PLB1: variants seen among roughly 807,000 people sequenced by gnomAD.
The protein encoded by PLB1 is phospholipase B1, also known as phospholipase B1, membrane-associated.
A neutral mutation model predicts 227.4 loss-of-function variants in PLB1; 242 were observed. The observed-to-expected ratio is 1.06, with a 90% CI of 0.96 to 1.18. The LOEUF is 1.18. PLB1 is among the 50% of genes most tolerant of loss of function. The pLI is 0.00. For missense variants in PLB1, 1,858 were observed against 1,816.3 expected, an observed-to-expected ratio of 1.02 and a Z score of -0.42; for synonymous variants, 757 against 682.2, an observed-to-expected ratio of 1.11 and a Z score of -1.71.
At chr2:28,500,687 G>A (rs941281324) in intron 1 of PLB1, among the ~76,000 whole-genome samples, 2 of 152,016 alleles carry the variant, frequency 1.3e-5, no homozygotes, top group Non-Finnish European at 2.9e-5. Flanking sequence ...TAAGCAGGGA[G>A]GATAGCTTGA....
rs531769306 is a variant in PLB1 at position 28,543,359 on chromosome 2, G to T, written c.936+91G>T. On this transcript the variant is annotated intron_variant, in intron 14 of 57. Transcript: ENST00000327757. ...CACCGTGCTGAGGAGGGGCTGCAGG[G>T]CGCCCCAGGATCCCAGGACAATGGT... The T allele has an allele frequency of 3.9e-5, 53 of 1,366,678 alleles. 1 individual carries two copies. The Middle Eastern group carries it at 2.2e-3, about 57-fold the overall frequency. 84.7% of individuals were successfully genotyped at this position (1,366,678 alleles called of 1,614,324 possible).
intron 35 of PLB1, among the ~76,000 whole-genome samples, chr2:28,598,965 T>C (rs7573949): frequency 0.96 from 146,239 of 152,328 alleles, 70,243 homozygotes; most frequent in Middle Eastern, 1. Context: ...GATGCCCCTA[T>C]AGGTTCAACT....
Position 28,508,799 on chromosome 2 carries a change from G to A in PLB1, c.56-8009G>A, listed in dbSNP as rs542590583. Among the ~76,000 whole-genome samples, 71 of 152,250 alleles carry A rather than the reference G, an allele frequency of 4.7e-4. 1 individual carries two copies. The South Asian group carries it at 0.014, about 31-fold the overall frequency. On this transcript the variant is annotated intron_variant, in intron 1 of 57. Coordinates refer to ENST00000327757, the MANE Select transcript of PLB1 (RefSeq NM_153021.5). ...CTGAGCCTGTAAAAATGCCAAAAGGGTCATAAACCCTGCCCCTAAGGTCAC... is the reference window on the plus strand; with the variant it reads ...CTGAGCCTGTAAAAATGCCAAAAGGATCATAAACCCTGCCCCTAAGGTCAC...
At chr2:28,613,206 T>G (rs1685732260) in intron 43 of PLB1, among the ~76,000 whole-genome samples, 1 of 152,234 alleles carries the variant, frequency 6.6e-6, no homozygotes, top group Non-Finnish European at 1.5e-5. Flanking sequence ...AATACAGGCA[T>G]GGGCCACTGT....
At chr2:28,581,013 G>A (rs1202999680) in intron 23 of PLB1, among the ~76,000 whole-genome samples, 1 of 152,014 alleles carries the variant, frequency 6.6e-6, no homozygotes, top group Non-Finnish European at 1.5e-5. Flanking sequence ...GGGGAGCCTT[G>A]GGGCTGCTGG....
chr2:28,541,904 G>A (rs1672549390), intron 13 of PLB1, 93 bp downstream of exon 13: 3 of 1,004,642 alleles, frequency 3.0e-6, no homozygotes, highest in Non-Finnish European at 4.6e-6. Context: ...AGGCCGAGGT[G>A]GGTGGATTAC....
At chr2:28,539,466 G>C (rs963962127) in intron 11 of PLB1, among the ~76,000 whole-genome samples, 26 of 152,216 alleles carry the variant, frequency 1.7e-4, no homozygotes, top group Non-Finnish European at 5.9e-5. Context: ...AGTGATTTCA[G>C]AGTTCGCCTT....
intron 6 of PLB1, among the ~76,000 whole-genome samples, chr2:28,528,933 G>A (rs1670633702): frequency 1.3e-5 from 2 of 150,012 alleles, no homozygotes; most frequent in East Asian, 2.0e-4. Context: ...TAGAGGAAGG[G>A]AGTCAGTCTT....
chr2:28,617,019 G>T (rs1686290984), intron 44 of PLB1, among the ~76,000 whole-genome samples: 1 of 151,992 alleles, frequency 6.6e-6, no homozygotes, highest in African/African-American at 2.4e-5. Context: ...CCAGATTTCT[G>T]GTACTAATCA....
chr2:28,589,856 GTGCAGGCCATGTGATTCTA>G (rs1321169700), intron 28 of PLB1, 86 bp downstream of exon 28: 20 of 1,416,020 alleles, frequency 1.4e-5, no homozygotes, highest in Non-Finnish European at 1.9e-5. Context: ...GAGGCCCATC[GTGCAGGCCATGTGATTCTA>G]TGCACGGCAA....
intron 39 of PLB1, among the ~76,000 whole-genome samples, chr2:28,603,707 C>T (rs1187449747): frequency 6.6e-6 from 1 of 152,238 alleles, no homozygotes; most frequent in African/African-American, 2.4e-5. Context: ...GGCCCAGCAC[C>T]TGCAGTCCAA....
chr2:28,582,191 GC>G (rs949691455), intron 24 of PLB1, 58 bp downstream of exon 24: 22 of 1,559,708 alleles, frequency 1.4e-5, no homozygotes, highest in Non-Finnish European at 1.9e-5. Flanking sequence ...CCTAGAGGAA[GC>G]TCTGGCATCC....
chr2:28,520,148 G>A (rs1042115079), intron 4 of PLB1, among the ~76,000 whole-genome samples: 18 of 151,548 alleles, frequency 1.2e-4, no homozygotes, highest in African/African-American at 3.6e-4. Flanking sequence ...GGCTAGTCTC[G>A]AACTCCTGAC....
At chr2:28,585,327 G>A (rs553314145) in intron 25 of PLB1, among the ~76,000 whole-genome samples, 2 of 151,762 alleles carry the variant, frequency 1.3e-5, no homozygotes, top group South Asian at 2.1e-4. Context: ...CCAGGCTGGA[G>A]TGCAGTGGCA....
intron 16 of PLB1, 136 bp from the exon 17 acceptor site, chr2:28,552,792 A>G (rs1429813101): frequency 1.4e-6 from 1 of 692,730 alleles, no homozygotes; most frequent in Non-Finnish European, 2.6e-6. Flanking sequence ...GTGTTGAAGG[A>G]GAGGGAGAAA....
At chr2:28,615,445 G>A (rs1417537985) in intron 44 of PLB1, among the ~76,000 whole-genome samples, 5 of 152,212 alleles carry the variant, frequency 3.3e-5, no homozygotes, top group Admixed American at 6.5e-5. Context: ...CAGCAGGAGT[G>A]ATTGGGGAAA....
At chr2:28,562,533 T>A in intron 17 of PLB1, among the ~76,000 whole-genome samples, 1 of 4,240 alleles carries the variant, frequency 2.4e-4, no homozygotes, top group African/African-American at 3.6e-3. Flanking sequence ...AGAGCAAGAC[T>A]CTGTCTCAAA....
At chr2:28,584,702 G>A (rs938651637) in intron 25 of PLB1, among the ~76,000 whole-genome samples, 8 of 152,152 alleles carry the variant, frequency 5.3e-5, no homozygotes, top group South Asian at 2.1e-4. Context: ...CTGTTTCATC[G>A]GGTGGCTGTG....
intron 17 of PLB1, 34 bp downstream of exon 17, chr2:28,553,025 A>G (rs1357261483): frequency 1.3e-6 from 2 of 1,582,048 alleles, no homozygotes; most frequent in Admixed American, 3.3e-5. Context: ...TTTAAAATTC[A>G]TTCGAGGCCT....
Sources: gnomAD v4.1 joint callset for allele counts (sites outside exome capture counted in the v4.1 genomes callset) on GRCh38, gnomAD v4.1.1 for gene constraint, MANE v1.5 for transcripts, NCBI Gene and HGNC (gene_info 2026-07-23, HGNC 2026-07-21) for gene names.